COL5A2: variants seen among roughly 807,000 people sequenced by gnomAD.
COL5A2 encodes the protein collagen type V alpha 2 chain, also known as collagen alpha-2(V) chain.
Under a neutral mutation model 208.2 loss-of-function variants are expected in COL5A2, and 23 were observed. The observed-to-expected ratio is 0.11, with a 90% confidence interval of 0.08 to 0.16. COL5A2 has a LOEUF of 0.16. COL5A2 is among the 10% of genes least tolerant of loss of function. COL5A2 has a pLI of 1.00. For synonymous variants in COL5A2, 625 were observed against 628.5 expected (o/e 0.99, Z 0.08); for missense variants, 1,590 against 1,956.4 (o/e 0.81, Z 3.53).
chr2:189,255,649 A>C, the COL5A2 span, among the ~76,000 whole-genome samples: 1 of 152,210 alleles, frequency 6.6e-6, no homozygotes, highest in African/African-American at 2.4e-5. Context: ...ACTTTACTAT[A>C]GGTTGGTTCC....
At chr2:189,174,596 A>T (rs985205757) in intron 1 of COL5A2, among the ~76,000 whole-genome samples, 2 of 152,236 alleles carry the variant, frequency 1.3e-5, no homozygotes, top group Non-Finnish European at 2.9e-5. Context: ...ATCAGAGTCA[A>T]CTGGAGAGCT....
chr2:189,181,684 T>C (rs900702456), upstream of COL5A2, among the ~76,000 whole-genome samples: 3 of 152,210 alleles, frequency 2.0e-5, no homozygotes, highest in Non-Finnish European at 4.4e-5. Flanking sequence ...TCAGATCCTA[T>C]GCTGGAGATA....
the COL5A2 span, among the ~76,000 whole-genome samples, chr2:189,295,712 C>T: frequency 6.6e-6 from 1 of 152,178 alleles, no homozygotes; most frequent in African/African-American, 2.4e-5. Flanking sequence ...ACATAGACAA[C>T]ATGGATACAA....
At chr2:189,367,876 T>C in the COL5A2 span, among the ~76,000 whole-genome samples, 2 of 152,216 alleles carry the variant, frequency 1.3e-5, no homozygotes, top group African/African-American at 2.4e-5. Context: ...ACATTATTAC[T>C]GAAAATAAGC....
the COL5A2 span, among the ~76,000 whole-genome samples, chr2:189,324,295 A>C: frequency 6.6e-6 from 1 of 152,256 alleles, no homozygotes; most frequent in Admixed American, 6.5e-5. Flanking sequence ...CAATGGCAAC[A>C]GAAGCCAAAA....
At chr2:189,331,850 CG>C in the COL5A2 span, among the ~76,000 whole-genome samples, 3 of 149,852 alleles carry the variant, frequency 2.0e-5, no homozygotes, top group Non-Finnish European at 1.5e-5. Flanking sequence ...CTCGGGAGGC[CG>C]GGGCAGGAGA....
the COL5A2 span, among the ~76,000 whole-genome samples, chr2:189,277,626 AC>A: frequency 6.6e-6 from 1 of 152,136 alleles, no homozygotes; most frequent in African/African-American, 2.4e-5. Context: ...CCTGCTAGCC[AC>A]AAAGTATACC....
intron 45 of COL5A2, 71 bp downstream of exon 45, chr2:189,048,130 ATGACAGTT>A: frequency 7.6e-7 from 1 of 1,323,242 alleles, no homozygotes; most frequent in Non-Finnish European, 1.1e-6. Flanking sequence ...ATCAGGAAAA[ATGACAGTT>A]TTTAGTGTAA....
the COL5A2 span, among the ~76,000 whole-genome samples, chr2:189,382,684 GAA>G: frequency 1.3e-5 from 2 of 152,312 alleles, 1 homozygote; most frequent in South Asian, 4.1e-4. Context: ...CTGAGTCTGG[GAA>G]AAGAGTCAGC....
chr2:189,414,248 T>C, the COL5A2 span, among the ~76,000 whole-genome samples: 1 of 152,162 alleles, frequency 6.6e-6, no homozygotes, highest in Non-Finnish European at 1.5e-5. Flanking sequence ...CATACAACCC[T>C]CTTGAGGAAA....
At chr2:189,381,253 C>A in the COL5A2 span, among the ~76,000 whole-genome samples, 1 of 151,870 alleles carries the variant, frequency 6.6e-6, no homozygotes, top group African/African-American at 2.4e-5. Flanking sequence ...ATGCAGAAAG[C>A]TTTTAGGAAG....
chr2:189,301,088 G>A, the COL5A2 span, among the ~76,000 whole-genome samples: 1 of 151,174 alleles, frequency 6.6e-6, no homozygotes, highest in Non-Finnish European at 1.5e-5. Flanking sequence ...TCAGGAAGCT[G>A]TGGTGGGGGA....
At chr2:189,180,603 C>T (rs545725608), upstream of COL5A2, among the ~76,000 whole-genome samples, 1 of 152,192 alleles carries the variant, frequency 6.6e-6, no homozygotes, top group Admixed American at 6.5e-5. Context: ...CTGTGCACTC[C>T]AATTTTCTCA....
chr2:189,157,049 A>T (rs1324347094), intron 1 of COL5A2, among the ~76,000 whole-genome samples: 1 of 148,592 alleles, frequency 6.7e-6, no homozygotes, highest in Non-Finnish European at 1.5e-5. Flanking sequence ...CACTGAGGCT[A>T]TACTGAAGCA....
chr2:189,117,368 T>G (rs1473843321), intron 1 of COL5A2, among the ~76,000 whole-genome samples: 1 of 152,210 alleles, frequency 6.6e-6, no homozygotes, highest in African/African-American at 2.4e-5. Flanking sequence ...GTAATTTTTA[T>G]AGCCAACCTT....
the COL5A2 span, among the ~76,000 whole-genome samples, chr2:189,252,808 A>G: frequency 1.3e-5 from 2 of 152,176 alleles, no homozygotes; most frequent in Non-Finnish European, 2.9e-5. Context: ...AAAAATAAAA[A>G]GACTCTAGAA....
chr2:189,402,367 G>A, the COL5A2 span, among the ~76,000 whole-genome samples: 1 of 152,100 alleles, frequency 6.6e-6, no homozygotes, highest in South Asian at 2.1e-4. Context: ...ACTGGCACGT[G>A]CCACCACACC....
intron 1 of COL5A2, among the ~76,000 whole-genome samples, chr2:189,130,710 T>G (rs1435177211): frequency 1.4e-4 from 22 of 151,950 alleles, no homozygotes; most frequent in Non-Finnish European, 4.4e-5. Flanking sequence ...CAGATAAGTT[T>G]CCATTCCATT....
chr2:189,424,531 T>G, the COL5A2 span, among the ~76,000 whole-genome samples: 4 of 152,130 alleles, frequency 2.6e-5, 1 homozygote, highest in South Asian at 8.3e-4. Flanking sequence ...TTCAGCAATC[T>G]ACTTGAAAGG....
Sources: gnomAD v4.1 joint callset for allele counts (sites outside exome capture counted in the v4.1 genomes callset) on GRCh38, gnomAD v4.1.1 for gene constraint, MANE v1.5 for transcripts, NCBI Gene and HGNC (gene_info 2026-07-23, HGNC 2026-07-21) for gene names.